Variants in MYO5B observed in about 807,000 individuals in gnomAD.
The protein encoded by MYO5B is unconventional myosin-Vb.
A neutral mutation model predicts 229.3 loss-of-function variants in MYO5B; 143 were observed. The ratio of observed to expected loss-of-function variants is 0.62; its 90% CI spans 0.54 to 0.72. The LOEUF is 0.72. Ranked by LOEUF, MYO5B falls within the 30% of genes least tolerant of loss-of-function variation. The pLI is 0.00. For synonymous variants in MYO5B, 918 were observed against 885.2 expected (o/e 1.04, Z -0.66); for missense variants, 2,321 against 2,331.0 (o/e 1.00, Z 0.09).
chr18:50,085,667 G>A (rs1383033011), intron 1 of MYO5B, among the ~76,000 whole-genome samples: 4 of 152,204 alleles, frequency 2.6e-5, no homozygotes, highest in Non-Finnish European at 5.9e-5. Context: ...AACCAACCCA[G>A]ATGTCCAACA....
intron 22 of MYO5B, among the ~76,000 whole-genome samples, chr18:49,891,601 T>TC (rs1337364970): frequency 6.6e-6 from 1 of 152,222 alleles, no homozygotes; most frequent in East Asian, 1.9e-4. Context: ...TGGGTCAGTG[T>TC]CCCCTTCCTA....
intron 35 of MYO5B, chr18:49,839,977 G>T (rs1598822963): frequency 6.5e-6 from 1 of 154,202 alleles, no homozygotes; most frequent in East Asian, 1.9e-4. Flanking sequence ...CTGTTGTACT[G>T]TGTCAAATAC....
chr18:50,191,544 T>C (rs964380291), intron 1 of MYO5B, among the ~76,000 whole-genome samples: 14 of 152,260 alleles, frequency 9.2e-5, no homozygotes, highest in African/African-American at 3.4e-4. Context: ...ATGCAATGTA[T>C]TCATTTCTAA....
chr18:50,059,833 G>C (rs2030643298), intron 1 of MYO5B, among the ~76,000 whole-genome samples: 1 of 152,076 alleles, frequency 6.6e-6, no homozygotes. Context: ...ATCTTCCAAG[G>C]GTAATTTTAA....
intron 34 of MYO5B, 27 bp from the exon 35 acceptor site, chr18:49,841,481 C>A: frequency 1.3e-6 from 2 of 1,587,820 alleles, no homozygotes; most frequent in Non-Finnish European, 1.7e-6. Context: ...ACATCCTCAG[C>A]TCTAAGTGGC....
chr18:50,028,687 G>T (rs1024710408), intron 4 of MYO5B, among the ~76,000 whole-genome samples: 4 of 152,230 alleles, frequency 2.6e-5, no homozygotes, highest in African/African-American at 7.2e-5. Context: ...ATTTGAGAAA[G>T]CATCCTATAC....
intron 6 of MYO5B, among the ~76,000 whole-genome samples, chr18:49,991,788 C>T (rs185126825): frequency 7.2e-5 from 11 of 152,246 alleles, no homozygotes; most frequent in Non-Finnish European, 1.3e-4. Context: ...CAAACCTGCA[C>T]GTTCTGTACA....
chr18:50,094,832 C>T (rs2031518816), intron 1 of MYO5B, among the ~76,000 whole-genome samples: 1 of 146,252 alleles, frequency 6.8e-6, no homozygotes, highest in African/African-American at 2.7e-5. Context: ...TAATATAAAC[C>T]TGTACATTTT....
At chr18:49,864,404 T>G in intron 27 of MYO5B, 24 bp from the exon 28 acceptor site, 1 of 1,611,774 alleles carries the variant, frequency 6.2e-7, no homozygotes, top group Non-Finnish European at 8.5e-7. Context: ...CAAGGGCCGC[T>G]GCCATTACTC....
chr18:49,974,779 T>TCACACACACACACAGA, intron 9 of MYO5B, among the ~76,000 whole-genome samples, 164 bp from the exon 10 acceptor site: 2 of 117,122 alleles, frequency 1.7e-5, no homozygotes, highest in Non-Finnish European at 3.4e-5. Flanking sequence ...GCAGTCTCTC[T>TCACACACACACACAGA]CACACACACA....
At chr18:50,087,274 T>TA (rs2031350123) in intron 1 of MYO5B, among the ~76,000 whole-genome samples, 1 of 152,206 alleles carries the variant, frequency 6.6e-6, no homozygotes, top group Non-Finnish European at 1.5e-5. Context: ...TAGAGACTGT[T>TA]AAAAAGCAGA....
chr18:49,877,676 A>C (rs2024541841), intron 25 of MYO5B, 87 bp downstream of exon 25: 2 of 1,578,826 alleles, frequency 1.3e-6, no homozygotes, highest in Non-Finnish European at 8.7e-7. Flanking sequence ...TCAGCAGAAG[A>C]GTAAATTTCT....
intron 39 of MYO5B, among the ~76,000 whole-genome samples, chr18:49,831,908 CT>C (rs1385548122): frequency 6.6e-6 from 1 of 152,074 alleles, no homozygotes; most frequent in African/African-American, 2.4e-5. Flanking sequence ...ATATTAGTCA[CT>C]AAAAAAATGA....
chr18:50,093,199 CACACACAG>C (rs140629276), intron 1 of MYO5B, among the ~76,000 whole-genome samples: 1 of 108,286 alleles, frequency 9.2e-6, no homozygotes, highest in African/African-American at 3.7e-5. Context: ...CACACACACA[CACACACAG>C]ACACACACAC....
At chr18:50,097,240 T>A in intron 1 of MYO5B, 1 of 456,702 alleles carries the variant, frequency 2.2e-6, no homozygotes, top group Non-Finnish European at 4.4e-6. Context: ...AGAATTGATC[T>A]CACCTCTCTT....
chr18:50,067,015 G>A (rs554251282), intron 1 of MYO5B, among the ~76,000 whole-genome samples: 23 of 152,266 alleles, frequency 1.5e-4, no homozygotes, highest in Admixed American at 2.6e-4. Context: ...GTTGAAAACT[G>A]TGTCTGCAAC....
intron 1 of MYO5B, among the ~76,000 whole-genome samples, chr18:50,133,512 C>T (rs2032286566): frequency 6.6e-6 from 1 of 152,164 alleles, no homozygotes; most frequent in African/African-American, 2.4e-5. Flanking sequence ...ACTGCTGAAG[C>T]TGCCCAGTGA....
At chr18:49,954,094 C>A (rs1332012701) in intron 13 of MYO5B, among the ~76,000 whole-genome samples, 5 of 145,926 alleles carry the variant, frequency 3.4e-5, no homozygotes, top group Non-Finnish European at 7.5e-5. Context: ...ATATGAATGA[C>A]TGGGCAACTA....
At chr18:49,898,952 C>A (rs1247602793) in intron 21 of MYO5B, among the ~76,000 whole-genome samples, 3 of 152,126 alleles carry the variant, frequency 2.0e-5, no homozygotes, top group African/African-American at 7.2e-5. Context: ...CCTACTCTAG[C>A]CAGATCATGG....
Sources: gnomAD v4.1 joint callset for allele counts (sites outside exome capture counted in the v4.1 genomes callset) on GRCh38, gnomAD v4.1.1 for gene constraint, MANE v1.5 for transcripts, NCBI Gene and HGNC (gene_info 2026-07-23, HGNC 2026-07-21) for gene names.